Variants in BCLAF3 observed in about 807,000 individuals in gnomAD.
BCLAF3 encodes the protein BCLAF1 and THRAP3 family member 3.
BCLAF3 carries 24 observed loss-of-function variants against 51.2 expected under a neutral mutation model. The ratio of observed to expected loss-of-function variants is 0.47; its 90% CI spans 0.34 to 0.66. The LOEUF is 0.66. Ranked by LOEUF, BCLAF3 falls within the 30% of genes least tolerant of loss-of-function variation. BCLAF3 has a pLI of 0.01. For synonymous variants in BCLAF3, 152 were observed against 176.6 expected, an observed-to-expected ratio of 0.86 and a Z score of 1.10; for missense variants, 465 against 525.1, an observed-to-expected ratio of 0.89 and a Z score of 1.12.
At chrX:19,932,025 G>A (rs2070578447) in intron 10 of BCLAF3, among the ~76,000 whole-genome samples, 1 of 112,336 alleles carries the variant, frequency 8.9e-6, no homozygotes, top group Non-Finnish European at 1.9e-5. Context: ...AGGTACAAGG[G>A]TCAGAATGAA....
At chrX:19,921,979 G>A (rs925315292) in intron 11 of BCLAF3, among the ~76,000 whole-genome samples, 5 of 109,894 alleles carry the variant, frequency 4.5e-5, no homozygotes. Context: ...CTCCAGCCTG[G>A]GCAACAGAGC....
At chrX:19,990,281 G>A (rs1450731904) in intron 1 of BCLAF3, among the ~76,000 whole-genome samples, 1 of 112,660 alleles carries the variant, frequency 8.9e-6, no homozygotes, top group Non-Finnish European at 1.9e-5. Context: ...GACAGCGACT[G>A]GCCCAGTTTC....
Position 19,931,653 on chromosome X carries a change from G to A in BCLAF3, c.1951-1713C>T, listed in dbSNP as rs1340318741. On this transcript the variant is annotated intron_variant, in intron 10 of 11. Transcript: ENST00000379682. ...ATTCCAAGAAGTAGAGAGAGATATG[G>A]TAGAGAAGGAAAGACTTTGGTGACC... Among the ~76,000 whole-genome samples the A allele has an allele frequency of 5.3e-5, 6 of 112,215 alleles. No homozygotes were observed. In the Admixed American group the frequency reaches 5.7e-4, roughly 11 times the overall value.
At chrX:19,953,119 A>G in intron 6 of BCLAF3, 68 bp from the exon 7 acceptor site, 1 of 872,298 alleles carries the variant, frequency 1.1e-6, no homozygotes, top group Non-Finnish European at 1.6e-6. Context: ...TTCTACTATT[A>G]CAGAACAGAA....
chrX:19,952,979 T>C lies in BCLAF3; in HGVS notation c.1629+9A>G, dbSNP rs1457131241. The C allele has an allele frequency of 8.4e-7, 1 of 1,190,667 alleles. No homozygotes were observed. The highest frequency in any genetic ancestry group is 1.1e-6 in the Non-Finnish European group (1 of 882,207). On this transcript the variant is annotated intron_variant, in intron 7 of 11. Transcript: ENST00000379682. ...AGATAATTTCTCATCAAAAATTGTA[T>C]TCACTAACCTGTTCCGATTCATAGA...
Position 19,939,103 on chromosome X carries a change from G to A in BCLAF3, c.1746-1571C>T, listed in dbSNP as rs12010158. 1.2e-3 allele frequency among the ~76,000 whole-genome samples: 132 copies of A among 111,849 alleles called. 1 individual carries two copies. Among genetic ancestry groups the A allele is most frequent in the African/African-American group, 4.1e-3 (127 of 30,816 alleles). On this transcript the variant is annotated intron_variant, in intron 8 of 11. Coordinates refer to ENST00000379682, the MANE Select transcript of BCLAF3 (RefSeq NM_001367774.2). ...GCCTATGCTTTGTCAAAATGCTCAC[G>A]ACAGTAGATCAAAAGAGTAAAGTGC...
chrX:19,934,310 T>C (rs1001961192), intron 10 of BCLAF3, among the ~76,000 whole-genome samples: 4 of 111,988 alleles, frequency 3.6e-5, no homozygotes, highest in Non-Finnish European at 7.5e-5. Flanking sequence ...AATACTATAA[T>C]CAACTATATC....
intron 8 of BCLAF3, among the ~76,000 whole-genome samples, chrX:19,941,487 T>C (rs2071044740): frequency 9.7e-6 from 1 of 103,511 alleles, no homozygotes; most frequent in South Asian, 3.9e-4. Context: ...GCTTTCTCCA[T>C]ATGGCTAGCC....
chrX:19,915,673 T>C lies in BCLAF3; in HGVS notation c.*1632A>G, dbSNP rs986926099. On this transcript the variant is annotated 3_prime_UTR_variant, in exon 12 of 12. Coordinates refer to ENST00000379682, the MANE Select transcript of BCLAF3 (RefSeq NM_001367774.2). The stretch of plus-strand genomic sequence containing the variant: ...AAAGGCAGGGTCCATGTGTCTTGTC[T>C]TCTTGTTCATTGCTGTAATTTTAGT... 3 of 112,345 alleles carry C rather than the reference T, an allele frequency of 2.7e-5. No homozygotes were observed. The highest frequency in any genetic ancestry group is 9.7e-5 in the African/African-American group (3 of 30,997). The allele number at this position is 112,345 out of a possible 1,213,427, so 9.3% of individuals were successfully genotyped here.
chrX:19,920,700 A>T (rs1476232812), intron 11 of BCLAF3, among the ~76,000 whole-genome samples: 1 of 109,563 alleles, frequency 9.1e-6, no homozygotes, highest in Non-Finnish European at 1.9e-5. Context: ...ACACATCTGT[A>T]GTCCCAGCTA....
chrX:19,921,748 A>G (rs1339463026), intron 11 of BCLAF3, among the ~76,000 whole-genome samples: 1 of 108,848 alleles, frequency 9.2e-6, no homozygotes, highest in Non-Finnish European at 1.9e-5. Context: ...TGCCTAATAA[A>G]TCCCAGAACT....
intron 1 of BCLAF3, among the ~76,000 whole-genome samples, chrX:19,984,497 C>A (rs2072730424): frequency 1.8e-5 from 2 of 110,644 alleles, no homozygotes; most frequent in African/African-American, 6.6e-5. Flanking sequence ...TCAAAATAAT[C>A]ATATATTAGG....
rs749164594 is a variant in BCLAF3, at chrX:19,924,089, C to T, written c.2106+5696G>A. On this transcript the variant is annotated intron_variant, in intron 11 of 11. Coordinates refer to ENST00000379682, the MANE Select transcript of BCLAF3 (RefSeq NM_001367774.2). ...CGCTGGGATTACAGGCGTGAGCCAC[C>T]GCACCCAGCTGCAAGTTTGATTTTA... Among the ~76,000 whole-genome samples, 10 of 110,735 alleles carry T rather than the reference C, an allele frequency of 9.0e-5. 1 individual carries two copies. Among genetic ancestry groups the T allele is most frequent in the Non-Finnish European group, 1.7e-4 (9 of 52,865 alleles).
chrX:19,957,790 T>C (rs955106050), intron 4 of BCLAF3, among the ~76,000 whole-genome samples: 1 of 112,033 alleles, frequency 8.9e-6, no homozygotes, highest in Admixed American at 9.5e-5. Flanking sequence ...TTCTAGAAAA[T>C]ATACATTTAA....
intron 1 of BCLAF3, among the ~76,000 whole-genome samples, chrX:19,987,259 C>A (rs1181086559): frequency 9.0e-6 from 1 of 111,613 alleles, no homozygotes; most frequent in East Asian, 2.8e-4. Context: ...TCAATTTTTC[C>A]CAATATTCCA....
intron 4 of BCLAF3, among the ~76,000 whole-genome samples, chrX:19,963,095 A>G (rs755125692): frequency 3.6e-5 from 4 of 109,986 alleles, no homozygotes; most frequent in Non-Finnish European, 7.6e-5. Context: ...AAAAAGAAAA[A>G]AAAGAAAGAA....
chrX:19,934,494 C>G (rs1460212328), intron 10 of BCLAF3, among the ~76,000 whole-genome samples: 1 of 112,009 alleles, frequency 8.9e-6, no homozygotes, highest in African/African-American at 3.2e-5. Flanking sequence ...TTAAAAACTT[C>G]GTGTCACACA....
chrX:19,923,101 T>C (rs2070228292), intron 11 of BCLAF3: 1 of 112,053 alleles, frequency 8.9e-6, no homozygotes, highest in African/African-American at 3.2e-5. Flanking sequence ...GTGTTTATAA[T>C]ATGCCAGAAA....
intron 8 of BCLAF3, among the ~76,000 whole-genome samples, chrX:19,939,311 G>A (rs2070904715): frequency 8.9e-6 from 1 of 111,907 alleles, no homozygotes; most frequent in Non-Finnish European, 1.9e-5. Flanking sequence ...CCATTAGTGT[G>A]TATGACTACT....
Sources: gnomAD v4.1 joint callset for allele counts (sites outside exome capture counted in the v4.1 genomes callset) on GRCh38, gnomAD v4.1.1 for gene constraint, MANE v1.5 for transcripts, NCBI Gene and HGNC (gene_info 2026-07-23, HGNC 2026-07-21) for gene names.